SDK1: variants seen among roughly 807,000 people sequenced by gnomAD.
SDK1 encodes sidekick cell adhesion molecule 1, also known as protein sidekick-1.
A neutral mutation model predicts 245.5 loss-of-function variants in SDK1; 157 were observed. That is an observed-to-expected ratio of 0.64 (90% CI 0.56 to 0.73). The LOEUF (loss-of-function observed/expected upper bound fraction) is 0.73. Ranked by LOEUF, SDK1 falls within the 30% of genes least tolerant of loss-of-function variation. The probability of loss-of-function intolerance (pLI) is 0.00; values close to 1 mark genes in which losing one functional copy is unlikely to be tolerated. For synonymous variants in SDK1, 1,647 were observed against 1,278.5 expected, an observed-to-expected ratio of 1.29 and a Z score of -6.15; for missense variants, 3,583 against 3,002.3, an observed-to-expected ratio of 1.19 and a Z score of -4.52.
intron 3 of SDK1, 139 bp from the exon 4 acceptor site, chr7:3,641,819 C>T (rs530876282): frequency 5.7e-6 from 4 of 703,826 alleles, no homozygotes; most frequent in Middle Eastern, 3.4e-4. Context: ...TCAGCGCTGC[C>T]GTGCAGTCTC....
intron 1 of SDK1, among the ~76,000 whole-genome samples, chr7:3,485,074 T>C (rs149111491): frequency 7.9e-4 from 121 of 152,276 alleles, no homozygotes; most frequent in Non-Finnish European, 1.4e-3. Context: ...TGGAGGACCC[T>C]CCATACTGTT....
chr7:4,180,625 T>C (rs1782551129), intron 35 of SDK1, among the ~76,000 whole-genome samples: 1 of 152,200 alleles, frequency 6.6e-6, no homozygotes, highest in Admixed American at 6.5e-5. Context: ...GACGGGGTAA[T>C]TTATAAGAAA....
chr7:3,775,029 G>C (rs896795989), intron 4 of SDK1, among the ~76,000 whole-genome samples: 17 of 152,304 alleles, frequency 1.1e-4, no homozygotes, highest in African/African-American at 4.1e-4. Context: ...GCTCGGCGCT[G>C]ATCGATGGCA....
chr7:3,989,302 C>T (rs531586864), intron 14 of SDK1, among the ~76,000 whole-genome samples: 59 of 152,322 alleles, frequency 3.9e-4, no homozygotes, highest in Middle Eastern at 6.8e-3. Flanking sequence ...TCCCCTTGTA[C>T]TAACCCTCAG....
At chr7:4,250,019 C>T (rs1164172929) in intron 44 of SDK1, among the ~76,000 whole-genome samples, 5 of 152,190 alleles carry the variant, frequency 3.3e-5, no homozygotes, top group Non-Finnish European at 7.3e-5. Flanking sequence ...GATTAGCAGT[C>T]ACTCCTCAAT....
In SDK1 at chr7:4,074,905, TATATATATA is replaced by T. The variant is rs1435218135; in HGVS notation, c.3011-2092_3011-2084del. ...CTCTCTGTATATATATATATATATA[TATATATATA>T]TATTTTTTTTTTTTTTTAATAAAGT... On this transcript the variant is annotated intron_variant, in intron 20 of 44. Coordinates refer to ENST00000404826, the MANE Select transcript of SDK1 (RefSeq NM_152744.4). 1.1e-3 allele frequency among the ~76,000 whole-genome samples: 99 copies of T among 88,056 alleles called. 1 individual carries two copies. Among genetic ancestry groups the T allele is most frequent in the Admixed American group, 3.5e-3 (32 of 9,204 alleles). The allele number at this position is 88,056 out of a possible 152,430, so 57.8% of individuals were successfully genotyped here. A position where few individuals can be genotyped will look rare whatever the true frequency, so the allele number is the denominator to read the frequency against.
At chr7:4,196,044 C>G (rs1395334769) in intron 35 of SDK1, among the ~76,000 whole-genome samples, 2 of 152,196 alleles carry the variant, frequency 1.3e-5, no homozygotes, top group Non-Finnish European at 2.9e-5. Flanking sequence ...AGCTTACCAC[C>G]CTTCATGTCT....
intron 2 of SDK1, among the ~76,000 whole-genome samples, chr7:3,637,122 G>C (rs1782484293): frequency 6.6e-6 from 1 of 151,878 alleles, no homozygotes; most frequent in African/African-American, 2.4e-5. Flanking sequence ...TTTTGAGAGA[G>C]TGTCTTGCTC....
At chr7:3,798,429 T>C (rs62437945) in intron 4 of SDK1, among the ~76,000 whole-genome samples, 1 of 151,846 alleles carries the variant, frequency 6.6e-6, no homozygotes, top group Admixed American at 6.6e-5. Context: ...GTGTTAGCCA[T>C]GATGGTCTTG....
chr7:4,206,074 A>T, intron 36 of SDK1, 80 bp downstream of exon 36: 2 of 923,582 alleles, frequency 2.2e-6, no homozygotes, highest in Non-Finnish European at 3.2e-6. Context: ...CTGCATTGCC[A>T]GCAGCAGACC....
chr7:3,516,467 G>A (rs1174971608), intron 1 of SDK1, among the ~76,000 whole-genome samples: 2 of 151,938 alleles, frequency 1.3e-5, no homozygotes, highest in African/African-American at 4.8e-5. Flanking sequence ...TAATTTTTAG[G>A]TGTTCTACTT....
chr7:3,809,734 A>G (rs1779338569), intron 4 of SDK1, among the ~76,000 whole-genome samples: 1 of 152,158 alleles, frequency 6.6e-6, no homozygotes, highest in Non-Finnish European at 1.5e-5. Flanking sequence ...CCACGAAGAC[A>G]TAATCCTCTG....
At chr7:3,832,050 C>T (rs192357890) in intron 5 of SDK1, among the ~76,000 whole-genome samples, 2 of 152,194 alleles carry the variant, frequency 1.3e-5, no homozygotes, top group East Asian at 3.9e-4. Flanking sequence ...GACCCTGTCT[C>T]TTAAAATAAT....
chr7:4,188,243 T>C lies in SDK1; in HGVS notation c.5098+9657T>C, dbSNP rs547790512. Among the ~76,000 whole-genome samples, 8 of 152,376 alleles carry C rather than the reference T, an allele frequency of 5.3e-5. No homozygotes were observed. The East Asian group carries it at 9.6e-4, about 18-fold the overall frequency. On this transcript the variant is annotated intron_variant, in intron 35 of 44. Transcript: ENST00000404826. ...CTCAAGCTAGTTGCTACAGCCAACG[T>C]CCTGAGGTGCCCTCAGTAAGTTGTT... is the stretch of plus-strand genomic sequence containing the variant.
chr7:4,054,429 T>C (rs999847986), intron 19 of SDK1, among the ~76,000 whole-genome samples: 1 of 152,234 alleles, frequency 6.6e-6, no homozygotes, highest in African/African-American at 2.4e-5. Flanking sequence ...TCTCCAGTTT[T>C]GTTTTTTTCT....
intron 1 of SDK1, among the ~76,000 whole-genome samples, chr7:3,513,175 T>G (rs1782637001): frequency 6.6e-6 from 1 of 152,214 alleles, no homozygotes; most frequent in South Asian, 2.1e-4. Flanking sequence ...ACACTAGATT[T>G]AGTCTTTCAG....
At chr7:4,250,533 C>T (rs921222792) in intron 44 of SDK1, among the ~76,000 whole-genome samples, 1 of 152,068 alleles carries the variant, frequency 6.6e-6, no homozygotes, top group African/African-American at 2.4e-5. Context: ...TTATTAGAGA[C>T]AGGGTTTTGC....
At chr7:3,973,487 A>G (rs1167282909) in intron 12 of SDK1, among the ~76,000 whole-genome samples, 3 of 152,246 alleles carry the variant, frequency 2.0e-5, no homozygotes, top group Admixed American at 6.5e-5. Flanking sequence ...AAATTGCTAC[A>G]GATAGATTAA....
intron 4 of SDK1, among the ~76,000 whole-genome samples, chr7:3,772,183 C>T (rs989095924): frequency 6.6e-5 from 10 of 151,994 alleles, no homozygotes; most frequent in African/African-American, 2.4e-4. Context: ...TTTGGTTTTC[C>T]ATTTCCTGCA....
Sources: gnomAD v4.1 joint callset for allele counts (sites outside exome capture counted in the v4.1 genomes callset) on GRCh38, gnomAD v4.1.1 for gene constraint, MANE v1.5 for transcripts, NCBI Gene and HGNC (gene_info 2026-07-23, HGNC 2026-07-21) for gene names.